The following LRRC7 variants were observed in gnomAD, a reference collection of about 807,000 sequenced individuals.
LRRC7 encodes leucine-rich repeat-containing protein 7.
A neutral mutation model predicts 175.7 loss-of-function variants in LRRC7; 23 were observed. That is an observed-to-expected ratio of 0.13 (90% CI 0.09 to 0.19). The LOEUF (loss-of-function observed/expected upper bound fraction) is 0.19. Among genes scored for constraint, LRRC7 ranks in the 10% least tolerant of loss-of-function variants. LRRC7 has a pLI of 1.00. For missense variants in LRRC7, 1,354 were observed against 1,904.7 expected, an observed-to-expected ratio of 0.71 and a Z score of 5.38; for synonymous variants, 685 against 680.9, an observed-to-expected ratio of 1.01 and a Z score of -0.09.
Position 70,143,765 on chromosome 1 carries a change from A to ATGTT in LRRC7, c.*21880_*21883dup, listed in dbSNP as rs1319912438. Reference sequence around the variant, plus strand: ...TTTATAAAAAAAATCAAATCACAACATGTTTAACTGAAATGGCTGTATTGT... The same window carrying ATGTT: ...TTTATAAAAAAAATCAAATCACAACATGTTTGTTTAACTGAAATGGCTGTATTGT... On this transcript the variant is annotated 3_prime_UTR_variant, in exon 27 of 27. Coordinates refer to ENST00000651989, the MANE Select transcript of LRRC7 (RefSeq NM_001370785.2). 1 of 152,164 alleles carries ATGTT rather than the reference A, an allele frequency of 6.6e-6. No individual in the cohort carries two copies. The highest frequency in any genetic ancestry group is 6.5e-5 in the Admixed American group (1 of 15,270). The allele number at this position is 152,164 out of a possible 1,614,324, so 9.4% of individuals were successfully genotyped here. A position where few individuals can be genotyped will look rare whatever the true frequency, so the allele number is the denominator to read the frequency against.
chr1:70,093,714 G>C (rs1664191645), intron 25 of LRRC7, among the ~76,000 whole-genome samples: 1 of 152,126 alleles, frequency 6.6e-6, no homozygotes, highest in Non-Finnish European at 1.5e-5. Flanking sequence ...ACTGTACAGA[G>C]AAGATTGCTA....
chr1:69,618,998 G>C (rs1041319527), intron 1 of LRRC7, among the ~76,000 whole-genome samples: 1 of 152,168 alleles, frequency 6.6e-6, no homozygotes, highest in African/African-American at 2.4e-5. Flanking sequence ...ACTTACTGCT[G>C]CAATAAACAA....
chr1:69,930,939 A>G (rs1361289738), intron 7 of LRRC7, among the ~76,000 whole-genome samples: 2 of 152,196 alleles, frequency 1.3e-5, no homozygotes, highest in African/African-American at 4.8e-5. Flanking sequence ...GTATACGATT[A>G]TGGGGATTAC....
chr1:69,671,469 G>A (rs931774996), intron 1 of LRRC7, among the ~76,000 whole-genome samples: 2 of 152,132 alleles, frequency 1.3e-5, no homozygotes, highest in Non-Finnish European at 2.9e-5. Flanking sequence ...GGGGTTAGAG[G>A]AGAAGTGGCA....
At chr1:70,049,163 T>C (rs1364383350) in intron 22 of LRRC7, among the ~76,000 whole-genome samples, 1 of 152,128 alleles carries the variant, frequency 6.6e-6, no homozygotes, top group Non-Finnish European at 1.5e-5. Flanking sequence ...AATTATCTTA[T>C]CATAGAATTT....
intron 4 of LRRC7, among the ~76,000 whole-genome samples, chr1:69,796,735 G>A (rs1379663094): frequency 4.0e-5 from 6 of 151,772 alleles, no homozygotes; most frequent in South Asian, 2.1e-4. Flanking sequence ...CGGAGGTTGC[G>A]GTGAGCCGAG....
rs373049952 is a variant in LRRC7 at position 69,765,178 on chromosome 1, T to G, written c.303+4785T>G. On this transcript the variant is annotated intron_variant, in intron 3 of 26. Coordinates refer to ENST00000651989, the MANE Select transcript of LRRC7 (RefSeq NM_001370785.2). ...TTTTTATTAGAAGCAACCCTGGAGATTATTTAATTTAGTCCCCAATTTTTA... is the reference window on the plus strand; with the variant it reads ...TTTTTATTAGAAGCAACCCTGGAGAGTATTTAATTTAGTCCCCAATTTTTA... Among the ~76,000 whole-genome samples, 4 of 152,186 alleles carry G rather than the reference T, an allele frequency of 2.6e-5. No individual in the cohort carries two copies. The East Asian group carries it at 7.7e-4, about 29-fold the overall frequency.
chr1:70,039,496 G>T lies in LRRC7; in HGVS notation c.3672G>T (p.Ala1224=). Residue 1224 remains alanine (A), a synonymous_variant, in exon 21 of 27, where the codon GCG becomes GCT. Transcript: ENST00000651989. ...CATATCAAGAAGTGAAAGCTCAGGC[G>T]GGAAGTTTTCCGGTTAAAAACCTTA... ...HPSYQEVKAQ[A]GSFPVKNLTQ... is the part of the protein sequence containing the mutation. 1 of 1,614,156 alleles carries T rather than the reference G, an allele frequency of 6.2e-7. No individual in the cohort carries two copies. The highest frequency in any genetic ancestry group is 8.5e-7 in the Non-Finnish European group (1 of 1,180,018).
intron 1 of LRRC7, among the ~76,000 whole-genome samples, chr1:69,635,753 G>A (rs553668407): frequency 1.3e-5 from 2 of 151,942 alleles, no homozygotes; most frequent in Non-Finnish European, 2.9e-5. Context: ...GCACAACCTA[G>A]CAATATACTC....
At chr1:69,765,108 T>C (rs536544734) in intron 3 of LRRC7, among the ~76,000 whole-genome samples, 2 of 152,150 alleles carry the variant, frequency 1.3e-5, no homozygotes, top group South Asian at 4.1e-4. Context: ...TACCACTACT[T>C]CCCCAGAGAA....
intron 7 of LRRC7, among the ~76,000 whole-genome samples, chr1:69,900,168 C>A (rs1292873324): frequency 6.6e-6 from 1 of 152,142 alleles, no homozygotes; most frequent in Non-Finnish European, 1.5e-5. Context: ...CAGCTGCAAA[C>A]CCTTGCTCCA....
intron 1 of LRRC7, among the ~76,000 whole-genome samples, chr1:69,675,039 G>A (rs1463046738): frequency 6.6e-6 from 1 of 152,100 alleles, no homozygotes; most frequent in Non-Finnish European, 1.5e-5. Flanking sequence ...ATTAAGTAAG[G>A]CACAAAGTAT....
chr1:70,114,163 C>T (rs1223561586), intron 26 of LRRC7, among the ~76,000 whole-genome samples: 1 of 152,010 alleles, frequency 6.6e-6, no homozygotes, highest in African/African-American at 2.4e-5. Context: ...AAGCATTTCC[C>T]AACAAGGCCA....
chr1:69,815,248 T>C (rs1160580101), intron 4 of LRRC7, among the ~76,000 whole-genome samples: 1 of 152,174 alleles, frequency 6.6e-6, no homozygotes, highest in Non-Finnish European at 1.5e-5. Context: ...ACAAACATCC[T>C]ACAGAAGATC....
intron 7 of LRRC7, among the ~76,000 whole-genome samples, chr1:69,902,211 A>G (rs1646154167): frequency 6.6e-6 from 1 of 152,216 alleles, no homozygotes; most frequent in Non-Finnish European, 1.5e-5. Context: ...GGAATCTAAT[A>G]CATACTCAAA....
intron 26 of LRRC7, among the ~76,000 whole-genome samples, chr1:70,117,691 G>T (rs1665949946): frequency 6.6e-6 from 1 of 151,682 alleles, no homozygotes; most frequent in Non-Finnish European, 1.5e-5. Context: ...TATTTTTTAA[G>T]GATTAAATTT....
chr1:69,853,778 A>G (rs1570339563), intron 7 of LRRC7, among the ~76,000 whole-genome samples: 2 of 152,304 alleles, frequency 1.3e-5, no homozygotes, highest in African/African-American at 4.8e-5. Context: ...TCCTTTTATA[A>G]TAACAATGAG....
At chr1:69,883,830 T>C in intron 7 of LRRC7, among the ~76,000 whole-genome samples, 1 of 94,622 alleles carries the variant, frequency 1.1e-5, no homozygotes, top group African/African-American at 3.9e-5. Context: ...GCTTTCTACA[T>C]ATGGCTAGCC....
chr1:69,905,766 T>C (rs1224885492), intron 7 of LRRC7, among the ~76,000 whole-genome samples: 2 of 152,256 alleles, frequency 1.3e-5, no homozygotes, highest in Admixed American at 1.3e-4. Flanking sequence ...CCTTTGGGTA[T>C]ATACCCAGTA....
Sources: allele counts gnomAD v4.1 joint callset (sites outside exome capture counted in the v4.1 genomes callset), GRCh38; gene constraint gnomAD v4.1.1; transcripts MANE v1.5; gene names NCBI Gene and HGNC (gene_info 2026-07-23, HGNC 2026-07-21).